PRKCA: variants seen among roughly 807,000 people sequenced by gnomAD.
The protein encoded by PRKCA is protein kinase C alpha type.
PRKCA carries 27 observed loss-of-function variants against 87.0 expected under a neutral mutation model. The observed-to-expected ratio is 0.31, with a 90% CI of 0.23 to 0.43. The LOEUF (loss-of-function observed/expected upper bound fraction) is 0.43, where lower values mean the gene tolerates loss of function less well. Among genes scored for constraint, PRKCA ranks in the 20% least tolerant of loss-of-function variants. The probability of loss-of-function intolerance (pLI) is 1.00; values close to 1 mark genes in which losing one functional copy is unlikely to be tolerated. For missense variants in PRKCA, 518 were observed against 852.3 expected (o/e 0.61, Z 4.88); for synonymous variants, 329 against 311.1 (o/e 1.06, Z -0.61).
At chr17:66,314,557 A>T (rs1040184520) in intron 2 of PRKCA, among the ~76,000 whole-genome samples, 4 of 152,200 alleles carry the variant, frequency 2.6e-5, no homozygotes, top group Non-Finnish European at 5.9e-5. Context: ...GTTCATCTTT[A>T]ATGCCTTCTC....
chr17:66,477,231 A>C (rs1204803172), intron 2 of PRKCA, among the ~76,000 whole-genome samples: 3 of 152,196 alleles, frequency 2.0e-5, no homozygotes, highest in South Asian at 2.1e-4. Context: ...CTTCAAAAGG[A>C]ATAAAAATAT....
intron 8 of PRKCA, among the ~76,000 whole-genome samples, chr17:66,691,045 G>T (rs893176744): frequency 2.0e-5 from 3 of 148,218 alleles, no homozygotes; most frequent in Non-Finnish European, 4.5e-5. Flanking sequence ...TTGAACCTGG[G>T]CACGAGAATC....
chr17:66,752,808 A>G lies in PRKCA; in HGVS notation c.1524+10048A>G, dbSNP rs775010346. Among the ~76,000 whole-genome samples the G allele has an allele frequency of 6.9e-4, 105 of 152,206 alleles. 1 individual carries two copies. The highest frequency in any genetic ancestry group is 7.4e-5 in the Non-Finnish European group (5 of 68,016). ...GCCACTTGTCACTGAGCTTCTTGAC[A>G]TGGTGCTGGCTACTAAAAGGCCAAA... On this transcript the variant is annotated intron_variant, in intron 13 of 16. Transcript: ENST00000413366.
chr17:66,765,388 T>C (rs1974775181), intron 13 of PRKCA, among the ~76,000 whole-genome samples: 1 of 122,486 alleles, frequency 8.2e-6, no homozygotes, highest in African/African-American at 3.1e-5. Flanking sequence ...GTCACTGCAT[T>C]CCGGCCTGGT....
At chr17:66,518,514 C>T (rs1967046929) in intron 3 of PRKCA, among the ~76,000 whole-genome samples, 1 of 152,108 alleles carries the variant, frequency 6.6e-6, no homozygotes, top group South Asian at 2.1e-4. Flanking sequence ...TTTGAACTGT[C>T]AGGATTTTAC....
At chr17:66,688,275 G>A in intron 6 of PRKCA, 27 bp from the exon 7 acceptor site, 1 of 1,612,478 alleles carries the variant, frequency 6.2e-7, no homozygotes, top group Non-Finnish European at 8.5e-7. Flanking sequence ...AGATAACCTA[G>A]TGTTTGCATG....
chr17:66,614,878 G>C (rs1402593373), intron 3 of PRKCA, among the ~76,000 whole-genome samples: 1 of 152,142 alleles, frequency 6.6e-6, no homozygotes, highest in Non-Finnish European at 1.5e-5. Flanking sequence ...GTTAAGAATT[G>C]GATGCAGCTG....
At chr17:66,665,760 C>T (rs1319739929) in intron 5 of PRKCA, among the ~76,000 whole-genome samples, 4 of 152,184 alleles carry the variant, frequency 2.6e-5, no homozygotes, top group Admixed American at 6.5e-5. Context: ...GGTATTTTTG[C>T]TCCTAGCCTT....
chr17:66,455,680 G>C (rs1914548903), intron 2 of PRKCA, among the ~76,000 whole-genome samples: 1 of 152,130 alleles, frequency 6.6e-6, no homozygotes, highest in Non-Finnish European at 1.5e-5. Context: ...CCTGTGTGGG[G>C]TTTTCTTTCC....
intron 13 of PRKCA, among the ~76,000 whole-genome samples, chr17:66,757,793 C>T (rs895752602): frequency 3.3e-5 from 5 of 152,142 alleles, no homozygotes; most frequent in African/African-American, 1.2e-4. Flanking sequence ...GGCGCCATCT[C>T]GGCTCACTGC....
chr17:66,701,520 G>A (rs538984409), intron 8 of PRKCA, among the ~76,000 whole-genome samples: 2 of 152,206 alleles, frequency 1.3e-5, no homozygotes, highest in South Asian at 4.1e-4. Context: ...AAGGCAACCT[G>A]TGGAATAGGA....
intron 2 of PRKCA, 89 bp from the exon 3 acceptor site, chr17:66,496,112 C>A: frequency 1.0e-6 from 1 of 983,770 alleles, no homozygotes; most frequent in Non-Finnish European, 1.6e-6. Context: ...ATTAAATTGA[C>A]TTCTAACAGC....
At chr17:66,473,667 C>A (rs1158186896) in intron 2 of PRKCA, among the ~76,000 whole-genome samples, 2 of 152,048 alleles carry the variant, frequency 1.3e-5, no homozygotes. Flanking sequence ...AAACTCAAGC[C>A]AACACCCCTG....
chr17:66,393,219 T>C (rs565201265), intron 2 of PRKCA, among the ~76,000 whole-genome samples: 2 of 152,220 alleles, frequency 1.3e-5, no homozygotes, highest in Non-Finnish European at 2.9e-5. Flanking sequence ...TCTAGTAAGG[T>C]TAACCACTCT....
chr17:66,468,295 A>G (rs1947225566), intron 2 of PRKCA, among the ~76,000 whole-genome samples: 1 of 152,220 alleles, frequency 6.6e-6, no homozygotes, highest in South Asian at 2.1e-4. Flanking sequence ...ATCAAGATGC[A>G]CACTCTTGCA....
At chr17:66,362,731 A>G (rs1389605854) in intron 2 of PRKCA, among the ~76,000 whole-genome samples, 1 of 148,710 alleles carries the variant, frequency 6.7e-6, no homozygotes, top group Admixed American at 6.7e-5. Context: ...CTCAGTCTAT[A>G]TAGCCCAGGC....
At chr17:66,320,643 A>G (rs1905602235) in intron 2 of PRKCA, among the ~76,000 whole-genome samples, 1 of 152,212 alleles carries the variant, frequency 6.6e-6, no homozygotes, top group Non-Finnish European at 1.5e-5. Flanking sequence ...ATTCATGGGC[A>G]AGGAAGATGA....
intron 3 of PRKCA, among the ~76,000 whole-genome samples, chr17:66,533,927 T>TGTTC (rs1423290790): frequency 6.6e-6 from 1 of 152,196 alleles, no homozygotes; most frequent in Non-Finnish European, 1.5e-5. Context: ...CCCCTCCTTT[T>TGTTC]GTTCGTTCGT....
At chr17:66,759,606 A>G (rs1974635603) in intron 13 of PRKCA, among the ~76,000 whole-genome samples, 1 of 152,220 alleles carries the variant, frequency 6.6e-6, no homozygotes, top group Admixed American at 6.5e-5. Context: ...TATATCACAA[A>G]TAACTTTCAA....
Sources: gnomAD v4.1 joint callset for allele counts (sites outside exome capture counted in the v4.1 genomes callset) on GRCh38, gnomAD v4.1.1 for gene constraint, MANE v1.5 for transcripts, NCBI Gene and HGNC (gene_info 2026-07-23, HGNC 2026-07-21) for gene names.